The following SLC9A4 variants were observed in gnomAD, a reference collection of about 807,000 sequenced individuals.
The protein encoded by SLC9A4 is sodium/hydrogen exchanger 4.
A neutral mutation model predicts 67.4 loss-of-function variants in SLC9A4; 63 were observed. The observed-to-expected ratio is 0.93, with a 90% confidence interval of 0.76 to 1.15. The LOEUF (loss-of-function observed/expected upper bound fraction) is 1.15, where lower values mean the gene tolerates loss of function less well. Among genes scored for constraint, SLC9A4 ranks in the 50% most tolerant of loss-of-function variants. SLC9A4 has a pLI of 0.00. For synonymous variants in SLC9A4, 393 were observed against 367.2 expected (o/e 1.07, Z -0.80); for missense variants, 1,089 against 987.7 (o/e 1.10, Z -1.38).
intron 2 of SLC9A4, among the ~76,000 whole-genome samples, chr2:102,498,920 T>A (rs1361915382): frequency 6.6e-6 from 1 of 152,180 alleles, no homozygotes; most frequent in Non-Finnish European, 1.5e-5. Flanking sequence ...GCATTAAATG[T>A]ACAAGAGTTT....
chr2:102,477,298 G>T (rs1310147760), intron 1 of SLC9A4, among the ~76,000 whole-genome samples: 5 of 152,132 alleles, frequency 3.3e-5, no homozygotes, highest in Non-Finnish European at 7.3e-5. Flanking sequence ...TTTCACTCTT[G>T]ATGTTCTCCC....
intron 4 of SLC9A4, chr2:102,505,766 GA>G: frequency 3.2e-6 from 1 of 316,952 alleles, no homozygotes; most frequent in Non-Finnish European, 5.8e-6. Flanking sequence ...TCAGTCAATG[GA>G]AAAATACATG....
intron 2 of SLC9A4, among the ~76,000 whole-genome samples, chr2:102,487,141 T>A (rs146576234): frequency 1.3e-5 from 2 of 151,730 alleles, no homozygotes; most frequent in African/African-American, 4.9e-5. Flanking sequence ...GCCAAAATAT[T>A]TGGAGGTTTT....
At chr2:102,474,040 G>C (rs373684225) in intron 1 of SLC9A4, 25 bp downstream of exon 1, 1 of 1,605,070 alleles carries the variant, frequency 6.2e-7, no homozygotes, top group South Asian at 1.1e-5. Context: ...ACCTGGTTTG[G>C]TGAGTTATCT....
rs951484904 is a variant in SLC9A4, at chr2:102,492,398, T to C, written c.721-11050T>C. On this transcript the variant is annotated intron_variant, in intron 2 of 11. Transcript: ENST00000295269. ...CATCCAGGCATTACCATACATTCTA[T>C]GAAATCTAGGCAGAGGTTCCCAAAC... 6.6e-5 allele frequency among the ~76,000 whole-genome samples: 10 copies of C among 152,372 alleles called. No individual in the cohort carries two copies. In the East Asian group the frequency reaches 7.7e-4, roughly 12 times the overall value.
Position 102,479,198 on chromosome 2 carries a change from G to T in SLC9A4, c.616G>T (p.Val206Leu), listed in dbSNP as rs561366987. ...GCTGTTCGGCAGCCTGATCTCCGCC[G>T]TGGACCCAGTGGCCGTGCTAGCCGT... Reference protein sequence around the residue: ...NLLFGSLISAVDPVAVLAVFE... With the variant: ...NLLFGSLISALDPVAVLAVFE... Residue 206 changes from valine (V) to leucine (L), a missense_variant, in exon 2 of 12, where the codon GTG (valine) becomes TTG (leucine). Physicochemically the swap from Val to Leu is conservative, Grantham distance 32. Coordinates refer to ENST00000295269, the MANE Select transcript of SLC9A4 (RefSeq NM_001011552.4). 2 of 1,614,174 alleles carry T rather than the reference G, an allele frequency of 1.2e-6. No homozygotes were observed. Among genetic ancestry groups the T allele is most frequent in the Admixed American group, 1.7e-5 (1 of 60,014 alleles).
In SLC9A4 at chr2:102,522,045, C is replaced by T. The variant is rs1338419651; in HGVS notation, c.1818+2090C>T. Among the ~76,000 whole-genome samples the T allele has an allele frequency of 2.0e-5, 3 of 152,194 alleles. No individual in the cohort carries two copies. In the East Asian group the frequency reaches 5.8e-4, roughly 29 times the overall value. On this transcript the variant is annotated intron_variant, in intron 9 of 11. Transcript: ENST00000295269. Reference sequence around the variant, plus strand: ...TGGGTGGAAAACTTAAGGGACTCACCTCTGGAGGTTCCCGGTAGGACAACC... The same window carrying T: ...TGGGTGGAAAACTTAAGGGACTCACTTCTGGAGGTTCCCGGTAGGACAACC...
Position 102,525,106 on chromosome 2 carries a change from C to A in SLC9A4, c.1901C>A (p.Thr634Asn). ...AKEILIRRQN[T>N]LRESMRKGHS... Reference sequence around the variant, plus strand: ...GAGATTCTGATCCGCCGCCAGAACACCTTAAGGGAGAGCATGAGGAAAGGT... The same window carrying A: ...GAGATTCTGATCCGCCGCCAGAACAACTTAAGGGAGAGCATGAGGAAAGGT... The change falls in exon 10 of 12, where the codon ACC (threonine) becomes AAC (asparagine). Residue 634 changes from threonine (T) to asparagine (N), a missense_variant. By Grantham distance (65) the Thr-to-Asn change is moderately conservative (BLOSUM62 0). Coordinates refer to ENST00000295269, the MANE Select transcript of SLC9A4 (RefSeq NM_001011552.4). 6.2e-7 allele frequency: 1 copy of A among 1,614,070 alleles called. No individual in the cohort carries two copies. The highest frequency in any genetic ancestry group is 8.5e-7 in the Non-Finnish European group (1 of 1,179,998).
At position 102,503,472 on chromosome 2, in the gene SLC9A4, T is replaced by G. The variant is rs1684985633; in HGVS notation, c.745T>G (p.Phe249Val). The part of the protein sequence containing the change: ...TVVLYNMLIA[F>V]TKMHKFEDIE... ...GGTCTTATACAATATGTTAATTGCC[T>G]TTACAAAGATGCATAAATTTGAAGA... Residue 249 changes from phenylalanine to valine, a missense_variant, in exon 3 of 12, where the codon TTT (phenylalanine) becomes GTT (valine). Phe to Val is a conservative substitution (Grantham distance 50). Coordinates refer to ENST00000295269, the MANE Select transcript of SLC9A4 (RefSeq NM_001011552.4). The G allele has an allele frequency of 2.5e-6, 4 of 1,612,320 alleles. No homozygotes were observed. The highest frequency in any genetic ancestry group is 3.4e-6 in the Non-Finnish European group (4 of 1,178,732).
chr2:102,514,392 A>AGTCTTGG (rs1685232413), intron 8 of SLC9A4, 141 bp downstream of exon 8: 1 of 556,466 alleles, frequency 1.8e-6, no homozygotes, highest in African/African-American at 2.0e-5. Flanking sequence ...ATGTAATCTA[A>AGTCTTGG]GTCTTGGCAT....
intron 4 of SLC9A4, chr2:102,505,748 A>T: frequency 2.8e-6 from 1 of 358,924 alleles, no homozygotes. Context: ...TACCTATTTA[A>T]ATATAATTCA....
chr2:102,492,072 G>T (rs1233882406), intron 2 of SLC9A4, among the ~76,000 whole-genome samples: 3 of 152,198 alleles, frequency 2.0e-5, no homozygotes, highest in Admixed American at 6.5e-5. Context: ...ATGCAAGTAG[G>T]TTCCCATGGT....
At chr2:102,524,248 T>C (rs1337569618) in intron 9 of SLC9A4, among the ~76,000 whole-genome samples, 2 of 152,210 alleles carry the variant, frequency 1.3e-5, no homozygotes, top group Non-Finnish European at 2.9e-5. Flanking sequence ...GGTTTATCAG[T>C]GCATACAGTG....
At chr2:102,524,071 G>T (rs1349557022) in intron 9 of SLC9A4, among the ~76,000 whole-genome samples, 2 of 152,216 alleles carry the variant, frequency 1.3e-5, no homozygotes, top group African/African-American at 4.8e-5. Context: ...GCCTTTTGAA[G>T]ACTGTAATTC....
chr2:102,473,811 C>T lies in SLC9A4; in HGVS notation c.52C>T (p.Leu18=), dbSNP rs190587056. The stretch of plus-strand genomic sequence containing the variant: ...CAGTCCTTGGAATTGTTTGCTACTG[C>T]TAGTGGCTCTTGAGTGTTCTGAAGC... ...TYSPWNCLLL[L]VALECSEASS... is the part of the protein sequence containing the mutation. Residue 18 remains leucine, a synonymous_variant, in exon 1 of 12, where the codon CTA becomes TTA. Transcript: ENST00000295269. 3 of 1,614,110 alleles carry T rather than the reference C, an allele frequency of 1.9e-6. No individual in the cohort carries two copies. The East Asian group carries it at 6.7e-5, about 36-fold the overall frequency.
Position 102,514,100 on chromosome 2 carries a change from T to G in SLC9A4, c.1570T>G (p.Phe524Val). 6.2e-7 allele frequency: 1 copy of G among 1,612,482 alleles called. No homozygotes were observed. Among genetic ancestry groups the G allele is most frequent in the African/African-American group, 1.3e-5 (1 of 74,876 alleles). Residue 524 changes from phenylalanine to valine, a missense_variant, in exon 8 of 12, where the codon TTT (phenylalanine) becomes GTT (valine). Phe to Val is a conservative substitution (Grantham distance 50). Transcript: ENST00000295269. ...GGTTTTCATTTTTAGGTTTAAGAAG[T>G]TTGATCATAGATACTTACGGAAAAT... ...HYQVRDKFKKFDHRYLRKILI... is the reference protein window; with the variant it reads ...HYQVRDKFKKVDHRYLRKILI...
At position 102,514,233 on chromosome 2, in the gene SLC9A4, C is replaced by T. The variant is rs992350486; in HGVS notation, c.1703C>T (p.Ala568Val). Reference sequence around the variant, plus strand: ...GAGACTGGGATACTGAGCTCTACAGCTTTCTCCATACCCCATCAGTGAGTC... The same window carrying T: ...GAGACTGGGATACTGAGCTCTACAGTTTTCTCCATACCCCATCAGTGAGTC... ...MVETGILSST[A>V]FSIPHQAQRI... The change falls in exon 8 of 12, where the codon GCT becomes GTT. Residue 568 changes from alanine to valine, a missense_variant. Transcript: ENST00000295269. 6.2e-7 allele frequency: 1 copy of T among 1,612,772 alleles called. No homozygotes were observed. The highest frequency in any genetic ancestry group is 8.5e-7 in the Non-Finnish European group (1 of 1,179,064).
intron 6 of SLC9A4, among the ~76,000 whole-genome samples, chr2:102,509,192 T>C (rs917829501): frequency 6.6e-6 from 1 of 152,210 alleles, no homozygotes; most frequent in East Asian, 1.9e-4. Context: ...CTGGAGGCCC[T>C]GGGGAGAATC....
At chr2:102,491,251 C>T (rs184848945) in intron 2 of SLC9A4, among the ~76,000 whole-genome samples, 229 of 144,016 alleles carry the variant, frequency 1.6e-3, no homozygotes, top group African/African-American at 4.8e-3. Context: ...TGCATTTGGT[C>T]GCTTGCTCAC....
Sources: allele counts gnomAD v4.1 joint callset (sites outside exome capture counted in the v4.1 genomes callset), GRCh38; gene constraint gnomAD v4.1.1; transcripts MANE v1.5; gene names NCBI Gene and HGNC (gene_info 2026-07-23, HGNC 2026-07-21).